Variants in MGAT4C observed in about 807,000 individuals in gnomAD.
The protein encoded by MGAT4C is MGAT4 family member C.
A neutral mutation model predicts 40.1 loss-of-function variants in MGAT4C; 19 were observed. That is an observed-to-expected ratio of 0.47 (90% CI 0.33 to 0.70). The LOEUF (loss-of-function observed/expected upper bound fraction) is 0.70, where lower values mean the gene tolerates loss of function less well. Ranked by LOEUF, MGAT4C falls within the 30% of genes least tolerant of loss-of-function variation. The pLI, the probability that MGAT4C is intolerant of heterozygous loss-of-function variation, is 0.02. For synonymous variants in MGAT4C, 181 were observed against 187.1 expected (o/e 0.97, Z 0.27); for missense variants, 491 against 563.2 (o/e 0.87, Z 1.30).
At chr12:86,401,783 C>A (rs1956367979) in intron 3 of MGAT4C, among the ~76,000 whole-genome samples, 1 of 151,908 alleles carries the variant, frequency 6.6e-6, no homozygotes, top group South Asian at 2.1e-4. Context: ...TTACTAGTTT[C>A]AAATATTTGC....
chr12:86,196,658 C>T (rs1949820353), intron 1 of MGAT4C, among the ~76,000 whole-genome samples: 2 of 152,192 alleles, frequency 1.3e-5, no homozygotes, highest in Admixed American at 1.3e-4. Context: ...TCCTTTATTA[C>T]ATCCAATTCT....
At chr12:86,514,129 T>G (rs964248867) in intron 2 of MGAT4C, among the ~76,000 whole-genome samples, 1 of 150,758 alleles carries the variant, frequency 6.6e-6, no homozygotes, top group Non-Finnish European at 1.5e-5. Context: ...TTAGTAGAGA[T>G]TTGGAGAATT....
intron 2 of MGAT4C, among the ~76,000 whole-genome samples, chr12:86,642,818 C>A (rs924224747): frequency 7.3e-5 from 11 of 151,080 alleles, no homozygotes; most frequent in African/African-American, 2.2e-4. Flanking sequence ...ATATGTATAT[C>A]TATGTGATAC....
Position 86,823,491 on chromosome 12 carries a change from C to T in MGAT4C, c.-262+15175G>A, listed in dbSNP as rs142839867. The stretch of plus-strand genomic sequence containing the variant: ...TTAACAGATAATTACGTCTACAGGG[C>T]ATAAACACAAATCAGAATTTCACCA... On this transcript the variant is annotated intron_variant, in intron 1 of 7. Coordinates refer to the MGAT4C transcript ENST00000548651. Among the ~76,000 whole-genome samples, 6 of 151,050 alleles carry T rather than the reference C, an allele frequency of 4.0e-5. No homozygotes were observed. In the East Asian group the frequency reaches 1.2e-3, roughly 30 times the overall value.
At chr12:86,100,409 A>G (rs2135595150) in intron 1 of MGAT4C, among the ~76,000 whole-genome samples, 1 of 151,630 alleles carries the variant, frequency 6.6e-6, no homozygotes, top group Middle Eastern at 3.4e-3. Context: ...TAAACATAAA[A>G]TTTTAAAATA....
chr12:86,277,449 T>C (rs1031398766), intron 4 of MGAT4C, among the ~76,000 whole-genome samples: 1 of 152,200 alleles, frequency 6.6e-6, no homozygotes, highest in African/African-American at 2.4e-5. Context: ...TTGTGGGGCA[T>C]TACTCAAGAA....
chr12:86,406,084 A>G (rs1256149010), intron 3 of MGAT4C, among the ~76,000 whole-genome samples: 1 of 146,694 alleles, frequency 6.8e-6, no homozygotes, highest in Non-Finnish European at 1.5e-5. Flanking sequence ...TATATATAAA[A>G]CTTTGACTTA....
At chr12:86,558,222 G>A (rs1959703691) in intron 2 of MGAT4C, among the ~76,000 whole-genome samples, 1 of 152,042 alleles carries the variant, frequency 6.6e-6, no homozygotes, top group South Asian at 2.1e-4. Flanking sequence ...ATCATAAAGT[G>A]ATAAAATATT....
At chr12:86,544,851 A>G (rs1175444039) in intron 2 of MGAT4C, among the ~76,000 whole-genome samples, 2 of 152,120 alleles carry the variant, frequency 1.3e-5, no homozygotes, top group Non-Finnish European at 2.9e-5. Context: ...CTAAACTGTT[A>G]TACTCAATAG....
intron 2 of MGAT4C, among the ~76,000 whole-genome samples, chr12:86,478,036 A>G (rs1337251417): frequency 6.6e-6 from 1 of 152,128 alleles, no homozygotes; most frequent in African/African-American, 2.4e-5. Context: ...AATTTTGTTT[A>G]TAATTTTATT....
chr12:86,489,332 A>G (rs1397311454), intron 2 of MGAT4C, among the ~76,000 whole-genome samples: 1 of 152,090 alleles, frequency 6.6e-6, no homozygotes, highest in African/African-American at 2.4e-5. Flanking sequence ...CTCTACATTC[A>G]TCACCTTTCA....
At chr12:86,607,784 T>C (rs1962095973) in intron 2 of MGAT4C, among the ~76,000 whole-genome samples, 1 of 152,174 alleles carries the variant, frequency 6.6e-6, no homozygotes, top group Non-Finnish European at 1.5e-5. Flanking sequence ...TCTCAATCCA[T>C]GAGGTTTGCC....
intron 2 of MGAT4C, among the ~76,000 whole-genome samples, chr12:86,488,445 A>G (rs1958068111): frequency 6.6e-6 from 1 of 151,458 alleles, no homozygotes; most frequent in Non-Finnish European, 1.5e-5. Flanking sequence ...AAAACAAAAA[A>G]CCCAAAATGA....
chr12:86,765,984 A>T (rs1397425087), intron 1 of MGAT4C, among the ~76,000 whole-genome samples: 1 of 152,184 alleles, frequency 6.6e-6, no homozygotes. Context: ...ACCAGCTAAC[A>T]TCATAATGAC....
rs1957905406 is a variant in MGAT4C at position 86,479,953 on chromosome 12, AAAGAGAAAGGATCCT to A, written c.-228-44703_-228-44689del. ...TACTTATTATTATCATTAACTTTGG[AAAGAGAAAGGATCCT>A]AAGTTAATTTAACCGTTAGTCAATT... On this transcript the variant is annotated intron_variant, in intron 2 of 7. Coordinates refer to the MGAT4C transcript ENST00000548651. Among the ~76,000 whole-genome samples the A allele has an allele frequency of 2.6e-5, 4 of 151,974 alleles. No homozygotes were observed. The South Asian group carries it at 8.3e-4, about 32-fold the overall frequency.
At chr12:86,536,193 C>T (rs1196611400) in intron 2 of MGAT4C, among the ~76,000 whole-genome samples, 1 of 152,042 alleles carries the variant, frequency 6.6e-6, no homozygotes, top group Non-Finnish European at 1.5e-5. Context: ...CTGTCTTCCA[C>T]TAAAGAGACT....
chr12:86,567,303 G>C (rs1960175710), intron 2 of MGAT4C, among the ~76,000 whole-genome samples: 1 of 152,090 alleles, frequency 6.6e-6, no homozygotes, highest in Non-Finnish European at 1.5e-5. Context: ...TGTTATCAGA[G>C]GAAGAAATGC....
intron 3 of MGAT4C, among the ~76,000 whole-genome samples, chr12:86,352,228 A>G (rs1368277061): frequency 2.6e-5 from 4 of 152,116 alleles, no homozygotes; most frequent in African/African-American, 2.4e-5. Context: ...TTAACTTGAC[A>G]TGCTTTAAAG....
chr12:86,175,205 G>T (rs1887268272), intron 1 of MGAT4C, among the ~76,000 whole-genome samples: 1 of 152,048 alleles, frequency 6.6e-6, no homozygotes, highest in Non-Finnish European at 1.5e-5. Context: ...TTGTAAAAAA[G>T]AATATGTAAA....
Sources: gnomAD v4.1 joint callset for allele counts (sites outside exome capture counted in the v4.1 genomes callset) on GRCh38, gnomAD v4.1.1 for gene constraint, MANE v1.5 for transcripts, NCBI Gene and HGNC (gene_info 2026-07-23, HGNC 2026-07-21) for gene names.